The following NR5A2 variants were observed in gnomAD, a reference collection of about 807,000 sequenced individuals.
NR5A2 encodes the protein nuclear receptor subfamily 5 group A member 2.
Under a neutral mutation model 62.7 loss-of-function variants are expected in NR5A2, and 26 were observed. That is an observed-to-expected ratio of 0.41 (90% CI 0.30 to 0.58). The LOEUF (loss-of-function observed/expected upper bound fraction) is 0.58. Ranked by LOEUF, NR5A2 falls within the 20% of genes least tolerant of loss-of-function variation. NR5A2 has a pLI of 0.22. For missense variants in NR5A2, 541 were observed against 669.1 expected (o/e 0.81, Z 2.11); for synonymous variants, 246 against 241.7 (o/e 1.02, Z -0.16).
At chr1:200,165,157 G>A (rs188845058) in intron 7 of NR5A2, among the ~76,000 whole-genome samples, 8 of 152,178 alleles carry the variant, frequency 5.3e-5, no homozygotes, top group South Asian at 2.1e-4. Context: ...GATTACAGGC[G>A]TGAACCACCG....
chr1:200,120,705 A>G, intron 6 of NR5A2, 103 bp from the exon 7 acceptor site: 1 of 1,224,058 alleles, frequency 8.2e-7, no homozygotes, highest in South Asian at 1.7e-5. Flanking sequence ...TTCTATTTTA[A>G]AAACCTGTAT....
Position 200,118,529 on chromosome 1 carries a change from C to A in NR5A2, c.1231-2279C>A, listed in dbSNP as rs1464719516. Among the ~76,000 whole-genome samples, 3 of 152,092 alleles carry A rather than the reference C, an allele frequency of 2.0e-5. No individual in the cohort carries two copies. In the East Asian group the frequency reaches 5.8e-4, roughly 29 times the overall value. On this transcript the variant is annotated intron_variant, in intron 6 of 7. Transcript: ENST00000367362. Reference sequence around the variant, plus strand: ...GGATGGAGATTTATACGTACTTGTCCAAGGCTCTTCGTTTGTAAGAGGCAG... The same window carrying A: ...GGATGGAGATTTATACGTACTTGTCAAAGGCTCTTCGTTTGTAAGAGGCAG...
intron 5 of NR5A2, among the ~76,000 whole-genome samples, chr1:200,096,913 G>C (rs552654815): frequency 6.6e-6 from 1 of 152,284 alleles, no homozygotes; most frequent in Admixed American, 6.5e-5. Flanking sequence ...ATCTAGGTTT[G>C]TGTAGGTTCA....
At chr1:200,061,808 C>T (rs185139436) in intron 5 of NR5A2, among the ~76,000 whole-genome samples, 31 of 152,232 alleles carry the variant, frequency 2.0e-4, no homozygotes, top group African/African-American at 7.0e-4. Context: ...TAGTAGTGTT[C>T]GTTATTAAAT....
At position 200,048,762 on chromosome 1, in the gene NR5A2, ACT is replaced by A; in HGVS notation, c.1059_1060del (p.Phe354LeufsTer9). On this transcript the variant is annotated frameshift_variant, in exon 5 of 8. Coordinates refer to ENST00000367362, the MANE Select transcript of NR5A2 (RefSeq NM_205860.3). LOFTEE classifies it high-confidence loss of function. The surrounding 1 kb of genome is among the most constrained non-coding windows in gnomAD (Gnocchi z 4.8). Reference sequence around the variant, plus strand: ...GCTTATGTGCAAAATGGCAGATCAAACTCTCTTCTCCATTGTCGAGTGGGCCA... The same window carrying A: ...GCTTATGTGCAAAATGGCAGATCAAACTCTTCTCCATTGTCGAGTGGGCCA... ...FGLMCKMADQ[T>X]LFSIVEWARS... The A allele has an allele frequency of 6.2e-7, 1 of 1,614,110 alleles. No homozygotes were observed. Among genetic ancestry groups the A allele is most frequent in the Non-Finnish European group, 8.5e-7 (1 of 1,180,020 alleles).
At chr1:200,051,922 A>G in intron 5 of NR5A2, among the ~76,000 whole-genome samples, 1 of 152,160 alleles carries the variant, frequency 6.6e-6, no homozygotes, top group East Asian at 1.9e-4. Context: ...ACACGGGCGC[A>G]CACACACAGA....
chr1:200,029,103 G>C, intron 1 of NR5A2: 1 of 444,442 alleles, frequency 2.3e-6, no homozygotes, highest in South Asian at 1.6e-5. Flanking sequence ...TTTTTCGTCG[G>C]GCAGAACCGC....
At chr1:200,169,954 A>G (rs1179218570) in intron 7 of NR5A2, among the ~76,000 whole-genome samples, 1 of 152,200 alleles carries the variant, frequency 6.6e-6, no homozygotes, top group Non-Finnish European at 1.5e-5. Flanking sequence ...TTTTTATCTC[A>G]TATCCATCTC....
At chr1:200,031,581 T>C (rs1022630842) in intron 1 of NR5A2, among the ~76,000 whole-genome samples, 1 of 141,806 alleles carries the variant, frequency 7.1e-6, no homozygotes, top group African/African-American at 2.8e-5. Context: ...CTTTTTTTTT[T>C]TTTTTTTTTT....
At chr1:200,043,741 G>A (rs905460417) in intron 2 of NR5A2, 33 bp from the exon 3 acceptor site, 2 of 1,359,754 alleles carry the variant, frequency 1.5e-6, no homozygotes, top group Non-Finnish European at 2.1e-6. Flanking sequence ...TAAATTAATT[G>A]AATATGTGTA....
At chr1:200,112,597 A>G (rs997573627) in intron 6 of NR5A2, among the ~76,000 whole-genome samples, 3 of 152,194 alleles carry the variant, frequency 2.0e-5, no homozygotes, top group Non-Finnish European at 4.4e-5. Context: ...AGCAAGCACT[A>G]TTTCAGAGTT....
intron 1 of NR5A2, chr1:200,038,747 C>G: frequency 7.3e-7 from 1 of 1,365,870 alleles, no homozygotes; most frequent in South Asian, 1.1e-5. Context: ...CCGCCACGCT[C>G]AGACAGAGGT....
intron 5 of NR5A2, among the ~76,000 whole-genome samples, chr1:200,105,217 C>T (rs961580837): frequency 3.3e-5 from 5 of 152,164 alleles, no homozygotes; most frequent in African/African-American, 4.8e-5. Context: ...ATCTCAGCCT[C>T]CCAAATTGTT....
intron 5 of NR5A2, among the ~76,000 whole-genome samples, chr1:200,089,065 C>T (rs1363445172): frequency 1.3e-5 from 2 of 152,168 alleles, no homozygotes; most frequent in Non-Finnish European, 2.9e-5. Flanking sequence ...CTCATCCACA[C>T]ATTCTTAGTG....
At chr1:200,092,517 C>T (rs539893704) in intron 5 of NR5A2, among the ~76,000 whole-genome samples, 6 of 152,230 alleles carry the variant, frequency 3.9e-5, no homozygotes, top group Middle Eastern at 3.4e-3. Flanking sequence ...TCTGATAGCT[C>T]ATTGGCGCTT....
Position 200,075,896 on chromosome 1 carries a change from C to CT in NR5A2, c.1110+27088dup, listed in dbSNP as rs1553268806. 2.6e-3 allele frequency among the ~76,000 whole-genome samples: 388 copies of CT among 149,292 alleles called. 1 individual carries two copies. Among genetic ancestry groups the CT allele is most frequent in the East Asian group, 0.014 (72 of 5,118 alleles). ...TATAAAAGCTCTTCTGTTTTCTTTT[C>CT]TTTTTTTTTTGTTAAGAAACAATAG... On this transcript the variant is annotated intron_variant, in intron 5 of 7. Coordinates refer to ENST00000367362, the MANE Select transcript of NR5A2 (RefSeq NM_205860.3).
chr1:200,142,187 T>C lies in NR5A2; in HGVS notation c.1378+21232T>C, dbSNP rs1169815525. Among the ~76,000 whole-genome samples, 45 of 92,474 alleles carry C rather than the reference T, an allele frequency of 4.9e-4. No individual in the cohort carries two copies. The Admixed American group carries it at 6.6e-3, about 14-fold the overall frequency. 60.7% of individuals were successfully genotyped at this position (92,474 alleles called of 152,430 possible). On this transcript the variant is annotated intron_variant, in intron 7 of 7. Transcript: ENST00000367362. ...ATAATTGTTTTTTGTTTTAAAGACT[T>C]CTTTTTTTTTTTTTTTTTTTTTTTT...
At position 200,087,143 on chromosome 1, in the gene NR5A2, T is replaced by TTA. The variant is rs1004688020; in HGVS notation, c.1111-24057_1111-24056dup. On this transcript the variant is annotated intron_variant, in intron 5 of 7. Coordinates refer to ENST00000367362, the MANE Select transcript of NR5A2 (RefSeq NM_205860.3). The stretch of plus-strand genomic sequence containing the variant: ...GGTTTCTGCCTTTCAGCTTTGACCT[T>TTA]TATCTGCCTTGTTGCAGCCCATGCA... Among the ~76,000 whole-genome samples the TTA allele has an allele frequency of 2.1e-5, 3 of 140,806 alleles. No individual in the cohort carries two copies. The Admixed American group carries it at 2.2e-4, about 10-fold the overall frequency. The allele number at this position is 140,806 out of a possible 152,430, so 92.4% of individuals were successfully genotyped here. A position where few individuals can be genotyped will look rare whatever the true frequency, so the allele number is the denominator to read the frequency against.
intron 7 of NR5A2, among the ~76,000 whole-genome samples, chr1:200,121,337 T>C (rs1666472704): frequency 6.6e-6 from 1 of 152,226 alleles, no homozygotes; most frequent in African/African-American, 2.4e-5. Context: ...GCCTTTCGTT[T>C]CAACTTGCTA....
Sources: gnomAD v4.1 joint callset for allele counts (sites outside exome capture counted in the v4.1 genomes callset) on GRCh38, gnomAD v4.1.1 for gene constraint, Gnocchi (gnomAD v3.1) non-coding constraint, MANE v1.5 for transcripts, NCBI Gene and HGNC (gene_info 2026-07-23, HGNC 2026-07-21) for gene names.